HSPBAP1: variants seen among roughly 807,000 people sequenced by gnomAD.
HSPBAP1 encodes the protein HSPB1-associated protein 1.
A neutral mutation model predicts 45.2 loss-of-function variants in HSPBAP1; 27 were observed. The ratio of observed to expected loss-of-function variants is 0.60; its 90% confidence interval spans 0.44 to 0.82. The LOEUF (loss-of-function observed/expected upper bound fraction) is 0.82. HSPBAP1 is among the 40% of genes least tolerant of loss of function. HSPBAP1 has a pLI of 0.00. For missense variants in HSPBAP1, 510 were observed against 590.9 expected, an observed-to-expected ratio of 0.86 and a Z score of 1.42; for synonymous variants, 204 against 202.7, an observed-to-expected ratio of 1.01 and a Z score of -0.06.
intron 3 of HSPBAP1, among the ~76,000 whole-genome samples, chr3:122,760,624 A>G (rs1406512492): frequency 6.6e-6 from 1 of 151,976 alleles, no homozygotes; most frequent in East Asian, 1.9e-4. Flanking sequence ...AGAAGGGGGA[A>G]TTTTTGCAAG....
chr3:122,750,487 C>T (rs567102935), intron 6 of HSPBAP1, among the ~76,000 whole-genome samples: 27 of 151,488 alleles, frequency 1.8e-4, no homozygotes, highest in Non-Finnish European at 3.1e-4. Flanking sequence ...ATTTTTTAAA[C>T]ACATGAATTA....
intron 4 of HSPBAP1, chr3:122,758,847 C>G (rs1328160125): frequency 2.2e-6 from 1 of 451,860 alleles, no homozygotes; most frequent in East Asian, 7.0e-5. Context: ...TGCCATTGCA[C>G]TCCAGCCTGG....
At position 122,741,128 on chromosome 3, in the gene HSPBAP1, C is replaced by A. The variant is rs886912159; in HGVS notation, c.826-15G>T. ...TGATCCTCTTCCTGAATTAAAAAAACACGCTTTTAACTTCTGTTAAGTCTC... is the reference window on the plus strand; with the variant it reads ...TGATCCTCTTCCTGAATTAAAAAAAAACGCTTTTAACTTCTGTTAAGTCTC... On this transcript the variant is annotated splice_polypyrimidine_tract_variant and intron_variant, in intron 6 of 7. Transcript: ENST00000306103. 1.3e-6 allele frequency: 2 copies of A among 1,573,140 alleles called. No homozygotes were observed. The highest frequency in any genetic ancestry group is 1.8e-6 in the Non-Finnish European group (2 of 1,142,670).
rs564896164 is a variant in HSPBAP1, at chr3:122,759,136, T to C, written c.569+88A>G. The C allele has an allele frequency of 2.0e-4, 304 of 1,483,228 alleles. 4 individuals carry two copies. The South Asian group carries it at 3.7e-3, about 18-fold the overall frequency. The allele number at this position is 1,483,228 out of a possible 1,614,324, so 91.9% of individuals were successfully genotyped here. On this transcript the variant is annotated intron_variant, in intron 4 of 7. Coordinates refer to ENST00000306103, the MANE Select transcript of HSPBAP1 (RefSeq NM_024610.6). Reference sequence around the variant, plus strand: ...GGGGCTGGGACTACACCTTGGGGTATTGCCCTATTCTCTCTGCCACCCCTA... The same window carrying C: ...GGGGCTGGGACTACACCTTGGGGTACTGCCCTATTCTCTCTGCCACCCCTA...
chr3:122,751,165 TCA>T (rs1224074880), intron 6 of HSPBAP1, among the ~76,000 whole-genome samples: 1 of 152,206 alleles, frequency 6.6e-6, no homozygotes, highest in Non-Finnish European at 1.5e-5. Flanking sequence ...CTACTGATAT[TCA>T]GTTTTAGGCA....
At chr3:122,745,690 C>T (rs1328930961) in intron 6 of HSPBAP1, among the ~76,000 whole-genome samples, 5 of 152,132 alleles carry the variant, frequency 3.3e-5, no homozygotes, top group Non-Finnish European at 5.9e-5. Flanking sequence ...TTAATAATAG[C>T]CCCAAAGTAC....
At chr3:122,741,142 C>G in intron 6 of HSPBAP1, 29 bp from the exon 7 acceptor site, 1 of 1,469,254 alleles carries the variant, frequency 6.8e-7, no homozygotes. Flanking sequence ...CTTTTAACTT[C>G]TGTTAAGTCT....
intron 1 of HSPBAP1, among the ~76,000 whole-genome samples, chr3:122,779,034 C>CTTTTTTTTTTT (rs201429620): frequency 6.8e-6 from 1 of 147,750 alleles, no homozygotes; most frequent in African/African-American, 2.5e-5. Flanking sequence ...CATTTTCTTT[C>CTTTTTTTTTTT]TTTTTCTTTT....
intron 5 of HSPBAP1, chr3:122,753,450 G>C (rs1200370522): frequency 4.1e-6 from 4 of 982,316 alleles, no homozygotes; most frequent in Non-Finnish European, 4.8e-6. Flanking sequence ...TAGGGGGATG[G>C]TTAAAATAGT....
In HSPBAP1 at chr3:122,793,452, C is replaced by T. The variant is rs1560179731; in HGVS notation, c.64+165G>A. On this transcript the variant is annotated intron_variant, in intron 1 of 7. Coordinates refer to ENST00000306103, the MANE Select transcript of HSPBAP1 (RefSeq NM_024610.6). ...GATCAAAAATCTGGATGCCACAATT[C>T]GAGAAATGCCACGCTCACTAGAAAA... is the stretch of plus-strand genomic sequence containing the variant. Among the ~76,000 whole-genome samples the T allele has an allele frequency of 2.0e-5, 3 of 152,222 alleles. 1 individual carries two copies. Among genetic ancestry groups the T allele is most frequent in the South Asian group, 2.1e-4 (1 of 4,836 alleles).
intron 3 of HSPBAP1, among the ~76,000 whole-genome samples, chr3:122,759,963 C>A (rs969392888): frequency 6.6e-6 from 1 of 152,184 alleles, no homozygotes; most frequent in African/African-American, 2.4e-5. Context: ...TTAGCTCATA[C>A]CTACTAGATC....
At chr3:122,750,248 C>T (rs1288125040) in intron 6 of HSPBAP1, among the ~76,000 whole-genome samples, 2 of 152,152 alleles carry the variant, frequency 1.3e-5, no homozygotes, top group East Asian at 3.9e-4. Context: ...GCTGGGATTA[C>T]AGGCGTAAGC....
intron 6 of HSPBAP1, among the ~76,000 whole-genome samples, chr3:122,747,972 G>A (rs1055397102): frequency 6.6e-6 from 1 of 152,260 alleles, no homozygotes; most frequent in African/African-American, 2.4e-5. Flanking sequence ...TTGAGAAATC[G>A]GATGGTTGCC....
In HSPBAP1 at chr3:122,740,596, T is replaced by G; in HGVS notation, c.1216A>C (p.Arg406=). 6.2e-7 allele frequency: 1 copy of G among 1,614,226 alleles called. No individual in the cohort carries two copies. The highest frequency in any genetic ancestry group is 8.5e-7 in the Non-Finnish European group (1 of 1,180,040). ...CCATCACTTCCAAATATGCCTCCTC[T>G]TTCTGAAGGCGGTTCTTCGGACCTC... The part of the protein sequence containing the change: ...AQRSEEPPSE[R]GGIFGSDGKD... The change falls in exon 8 of 8, where the codon AGA becomes CGA. Residue 406 remains arginine (R), a synonymous_variant. Transcript: ENST00000306103.
intron 1 of HSPBAP1, among the ~76,000 whole-genome samples, chr3:122,785,301 G>C (rs567959426): frequency 1.3e-5 from 2 of 152,272 alleles, no homozygotes; most frequent in South Asian, 4.1e-4. Flanking sequence ...CCAAACTTTA[G>C]TCAGGCTTTA....
At chr3:122,779,167 G>A (rs1935313005) in intron 1 of HSPBAP1, among the ~76,000 whole-genome samples, 2 of 151,632 alleles carry the variant, frequency 1.3e-5, no homozygotes, top group South Asian at 2.1e-4. Flanking sequence ...TCAGCCTTCC[G>A]AGTAGCTGGG....
At chr3:122,741,883 T>C (rs756849340) in intron 6 of HSPBAP1, 9 of 152,068 alleles carry the variant, frequency 5.9e-5, no homozygotes, top group Non-Finnish European at 1.0e-4. Context: ...TAGTTCCAAG[T>C]GGGACATTGA....
intron 1 of HSPBAP1, among the ~76,000 whole-genome samples, chr3:122,783,481 A>G (rs1248971275): frequency 1.3e-5 from 2 of 152,142 alleles, no homozygotes; most frequent in African/African-American, 4.8e-5. Context: ...TTTCTCCTCT[A>G]CCCTCTTAAA....
chr3:122,767,819 T>C (rs1203650670), intron 3 of HSPBAP1, among the ~76,000 whole-genome samples: 1 of 152,040 alleles, frequency 6.6e-6, no homozygotes, highest in Non-Finnish European at 1.5e-5. Flanking sequence ...TCAGCCTATA[T>C]GAAAGCCAAG....
Sources: allele counts gnomAD v4.1 joint callset (sites outside exome capture counted in the v4.1 genomes callset), GRCh38; gene constraint gnomAD v4.1.1; transcripts MANE v1.5; gene names NCBI Gene and HGNC (gene_info 2026-07-23, HGNC 2026-07-21).